Variants in ELMOD3 observed in about 807,000 individuals in gnomAD.
The protein encoded by ELMOD3 is ELMO domain containing 3, also known as ELMO domain-containing protein 3.
ELMOD3 carries 36 observed loss-of-function variants against 47.4 expected under a neutral mutation model. The ratio of observed to expected loss-of-function variants is 0.76; its 90% CI spans 0.58 to 1.00. ELMOD3 has a LOEUF of 1.00. Among genes scored for constraint, ELMOD3 ranks in the 50% least tolerant of loss-of-function variants. The pLI is 0.00. For missense variants in ELMOD3, 404 were observed against 463.8 expected, an observed-to-expected ratio of 0.87 and a Z score of 1.18; for synonymous variants, 149 against 183.5, an observed-to-expected ratio of 0.81 and a Z score of 1.52.
Position 85,391,334 on chromosome 2 carries a change from CA to C in ELMOD3, c.*373del, listed in dbSNP as rs1686341660. The C allele has an allele frequency of 5.4e-6, 1 of 186,328 alleles. No individual in the cohort carries two copies. Among genetic ancestry groups the C allele is most frequent in the Admixed American group, 5.8e-5 (1 of 17,126 alleles). The allele number at this position is 186,328 out of a possible 1,614,324, so 11.5% of individuals were successfully genotyped here. ...GAGGAGATTCCCAAGTAGAGGCAGC[CA>C]GAATTCTGACTCCCTGGCAGCAGCA... is the stretch of plus-strand genomic sequence containing the variant. On this transcript the variant is annotated 3_prime_UTR_variant, in exon 14 of 14. Transcript: ENST00000409013.
intron 10 of ELMOD3, among the ~76,000 whole-genome samples, chr2:85,374,311 G>A (rs770989539): frequency 6.6e-6 from 1 of 151,882 alleles, no homozygotes; most frequent in African/African-American, 2.4e-5. Flanking sequence ...GATCAGCCTG[G>A]GCAACATTAT....
At chr2:85,373,656 T>C (rs1215595105) in intron 10 of ELMOD3, among the ~76,000 whole-genome samples, 7 of 151,766 alleles carry the variant, frequency 4.6e-5, no homozygotes, top group African/African-American at 1.5e-4. Context: ...CTGGCCAAAA[T>C]AGTGAAACCC....
chr2:85,389,667 G>C (rs866701447), intron 11 of ELMOD3, 84 bp from the exon 12 acceptor site: 1 of 1,125,274 alleles, frequency 8.9e-7, no homozygotes, highest in Non-Finnish European at 1.3e-6. Context: ...GGCTGTGCTT[G>C]CCTGCGAGCC....
Position 85,367,086 on chromosome 2 carries a change from T to A in ELMOD3, c.200-1600T>A, listed in dbSNP as rs117998764. ...TTCTTTTTTTCTCCCCCTTATATTG[T>A]GCTTTCATTCATTCATTCATTCATC... On this transcript the variant is annotated intron_variant, in intron 6 of 13. Coordinates refer to ENST00000409013, the MANE Select transcript of ELMOD3 (RefSeq NM_001135022.2). 3.1e-3 allele frequency among the ~76,000 whole-genome samples: 471 copies of A among 152,320 alleles called. 19 individuals are homozygous for A. In the East Asian group the frequency reaches 0.07, roughly 23 times the overall value.
intron 12 of ELMOD3, 137 bp from the exon 13 acceptor site, chr2:85,390,001 T>C (rs1269741534): frequency 8.9e-7 from 1 of 1,119,114 alleles, no homozygotes; most frequent in East Asian, 2.3e-5. Context: ...GCCTTAGATG[T>C]CAGGCTCCTG....
At chr2:85,360,950 A>G (rs1291194878) in intron 4 of ELMOD3, 1 of 156,618 alleles carries the variant, frequency 6.4e-6, no homozygotes, top group African/African-American at 2.4e-5. Context: ...GTTCAGAGAA[A>G]CTTCTCTAGT....
At position 85,378,104 on chromosome 2, in the gene ELMOD3, A is replaced by C. The variant is rs567220985; in HGVS notation, c.738+630A>C. 2.6e-5 allele frequency among the ~76,000 whole-genome samples: 4 copies of C among 152,252 alleles called. No homozygotes were observed. The South Asian group carries it at 8.3e-4, about 31-fold the overall frequency. On this transcript the variant is annotated intron_variant, in intron 11 of 13. Transcript: ENST00000409013. ...GACCAGTATAAGCATGCCAGGGCAAATATTTAGGCTAAATTGTGGGAGCTA... is the reference window on the plus strand; with the variant it reads ...GACCAGTATAAGCATGCCAGGGCAACTATTTAGGCTAAATTGTGGGAGCTA...
intron 6 of ELMOD3, among the ~76,000 whole-genome samples, chr2:85,367,838 A>T (rs1684499781): frequency 6.6e-6 from 1 of 152,116 alleles, no homozygotes; most frequent in Non-Finnish European, 1.5e-5. Context: ...TGTGCTGTAG[A>T]GTATGGGTTT....
In ELMOD3 at chr2:85,369,756, G is replaced by C. The variant is rs1684654529; in HGVS notation, c.286G>C (p.Glu96Gln). Residue 96 changes from glutamate to glutamine, a missense_variant, in exon 8 of 14, where the codon GAG (glutamate) becomes CAG (glutamine). Transcript: ENST00000409013. ...TGCCACAGGGAGCCAAGCTAGCTCA[G>C]AGCAGCCTGGGCAGCTAATCTCCTT... ...QPETGSQASSEQPGQLISFSE... is the reference protein window; with the variant it reads ...QPETGSQASSQQPGQLISFSE... 1.9e-6 allele frequency: 3 copies of C among 1,613,950 alleles called. No individual in the cohort carries two copies. Among genetic ancestry groups the C allele is most frequent in the African/African-American group, 1.3e-5 (1 of 74,934 alleles).
Position 85,357,096 on chromosome 2 carries a change from G to A in ELMOD3, c.-103G>A. On this transcript the variant is annotated 5_prime_UTR_variant, in exon 4 of 14. Coordinates refer to ENST00000409013, the MANE Select transcript of ELMOD3 (RefSeq NM_001135022.2). ...GACTGCCAAGGAAGGCAAAGGTAGA[G>A]CAACTGGATCTCTGGCTCTCCACAT... 1 of 755,464 alleles carries A rather than the reference G, an allele frequency of 1.3e-6. No homozygotes were observed. 46.8% of individuals were successfully genotyped at this position (755,464 alleles called of 1,614,324 possible). A position where few individuals can be genotyped will look rare whatever the true frequency, so the allele number is the denominator to read the frequency against.
At chr2:85,361,753 C>T (rs1683975636) in intron 4 of ELMOD3, among the ~76,000 whole-genome samples, 1 of 151,902 alleles carries the variant, frequency 6.6e-6, no homozygotes, top group South Asian at 2.1e-4. Flanking sequence ...CACGGTGAAA[C>T]CCCGTCTCTA....
At chr2:85,358,477 C>G (rs1167513868) in intron 4 of ELMOD3, among the ~76,000 whole-genome samples, 3 of 151,950 alleles carry the variant, frequency 2.0e-5, no homozygotes, top group Admixed American at 6.6e-5. Flanking sequence ...GAGGTGTATT[C>G]TGGAGGAAAA....
At chr2:85,357,379 TAAG>T in intron 4 of ELMOD3, 127 bp downstream of exon 4, 1 of 536,760 alleles carries the variant, frequency 1.9e-6, no homozygotes, top group Non-Finnish European at 3.2e-6. Flanking sequence ...CTTTGTTCTG[TAAG>T]AAGGAGCTTC....
Position 85,363,182 on chromosome 2 carries a change from G to A in ELMOD3, c.199+16G>A, listed in dbSNP as rs759536096. The A allele has an allele frequency of 6.4e-7, 1 of 1,561,326 alleles. No individual in the cohort carries two copies. Among genetic ancestry groups the A allele is most frequent in the African/African-American group, 1.4e-5 (1 of 73,646 alleles). On this transcript the variant is annotated intron_variant, in intron 6 of 13. Coordinates refer to ENST00000409013, the MANE Select transcript of ELMOD3 (RefSeq NM_001135022.2). ...GAGCCACGTGGTAAGGTTCCCTTCA[G>A]GGCCCTTGGAGTCTGGGTGGGACCC...
At chr2:85,371,296 A>C (rs1416144517) in intron 9 of ELMOD3, 87 bp downstream of exon 9, 4 of 1,608,616 alleles carry the variant, frequency 2.5e-6, no homozygotes, top group Non-Finnish European at 2.6e-6. Context: ...CTAAGCCAGG[A>C]ATATTGCATG....
intron 13 of ELMOD3, 77 bp downstream of exon 13, chr2:85,390,342 A>G: frequency 6.2e-7 from 1 of 1,613,986 alleles, no homozygotes; most frequent in East Asian, 2.2e-5. Flanking sequence ...TGGTTGCTAG[A>G]CTGGTTTTGG....
chr2:85,366,011 T>C (rs1684357402), intron 6 of ELMOD3, among the ~76,000 whole-genome samples: 1 of 152,008 alleles, frequency 6.6e-6, no homozygotes, highest in Admixed American at 6.6e-5. Context: ...CAGGCTAGAG[T>C]GCAATGGCGC....
chr2:85,371,235 C>T, intron 9 of ELMOD3, 26 bp downstream of exon 9: 1 of 1,614,188 alleles, frequency 6.2e-7, no homozygotes, highest in East Asian at 2.2e-5. Context: ...GCCCACAGGG[C>T]AGTTGCTGCA....
At chr2:85,390,047 C>A in intron 12 of ELMOD3, 91 bp from the exon 13 acceptor site, 1 of 1,366,834 alleles carries the variant, frequency 7.3e-7, no homozygotes, top group South Asian at 1.2e-5. Flanking sequence ...TGGGCTGGCT[C>A]CCCTGGGGAA....
Sources: gnomAD v4.1 joint callset for allele counts (sites outside exome capture counted in the v4.1 genomes callset) on GRCh38, gnomAD v4.1.1 for gene constraint, MANE v1.5 for transcripts, NCBI Gene and HGNC (gene_info 2026-07-23, HGNC 2026-07-21) for gene names.